GPATCH2: variants seen among roughly 807,000 people sequenced by gnomAD.
GPATCH2 encodes the protein G-patch domain containing 2, also known as G patch domain-containing protein 2.
GPATCH2 carries 51 observed loss-of-function variants against 58.0 expected under a neutral mutation model. The ratio of observed to expected loss-of-function variants is 0.88; its 90% CI spans 0.70 to 1.11. The LOEUF (loss-of-function observed/expected upper bound fraction) is 1.11, where lower values mean the gene tolerates loss of function less well. Ranked by LOEUF, GPATCH2 falls within the 50% of genes most tolerant of loss-of-function variation. GPATCH2 has a pLI of 0.00. For synonymous variants in GPATCH2, 222 were observed against 218.5 expected (o/e 1.02, Z -0.14); for missense variants, 625 against 652.2 (o/e 0.96, Z 0.45).
At chr1:217,483,485 C>A (rs1007605799) in intron 8 of GPATCH2, among the ~76,000 whole-genome samples, 1 of 151,766 alleles carries the variant, frequency 6.6e-6, no homozygotes, top group Non-Finnish European at 1.5e-5. Context: ...GTGCCTAGAC[C>A]CCCCATTGCT....
At chr1:217,589,823 G>T (rs180841231) in intron 5 of GPATCH2, among the ~76,000 whole-genome samples, 1 of 152,226 alleles carries the variant, frequency 6.6e-6, no homozygotes, top group Admixed American at 6.5e-5. Flanking sequence ...TCAGTCTGCT[G>T]GAGTCCACCA....
At chr1:217,611,146 G>A (rs1182243977) in intron 3 of GPATCH2, 75 bp from the exon 4 acceptor site, 8 of 1,322,532 alleles carry the variant, frequency 6.0e-6, no homozygotes, top group Non-Finnish European at 7.3e-6. Context: ...GTCTTGTCAG[G>A]TAATAAAAAT....
intron 8 of GPATCH2, among the ~76,000 whole-genome samples, chr1:217,466,265 A>G (rs1416654730): frequency 6.9e-6 from 1 of 145,554 alleles, no homozygotes; most frequent in African/African-American, 2.5e-5. Context: ...GGACTGAACT[A>G]AAACTAAATA....
intron 5 of GPATCH2, among the ~76,000 whole-genome samples, chr1:217,603,915 G>A (rs990605931): frequency 2.0e-5 from 3 of 152,046 alleles, no homozygotes; most frequent in African/African-American, 7.2e-5. Context: ...GAGCCACCGT[G>A]CCTGGCCCAA....
Position 217,435,748 on chromosome 1 carries a change from T to C in GPATCH2, c.1367-4383A>G, listed in dbSNP as rs192707098. Among the ~76,000 whole-genome samples the C allele has an allele frequency of 4.8e-3, 727 of 152,326 alleles. 5 individuals carry two copies. The highest frequency in any genetic ancestry group is 0.014 in the South Asian group (67 of 4,830). ...GTTCTCAGCAACTAATTTAGGGACA[T>C]GGATTTTTGATTATTATTATTATGA... On this transcript the variant is annotated intron_variant, in intron 9 of 9. Transcript: ENST00000366935.
chr1:217,521,676 G>A (rs1021804470), intron 5 of GPATCH2, among the ~76,000 whole-genome samples: 5 of 152,154 alleles, frequency 3.3e-5, no homozygotes, highest in South Asian at 2.1e-4. Flanking sequence ...TAAACACTCC[G>A]CGATGAGAAT....
Position 217,614,404 on chromosome 1 carries a change from C to T in GPATCH2, c.774-202G>A, listed in dbSNP as rs573058114. Among the ~76,000 whole-genome samples the T allele has an allele frequency of 3.0e-4, 46 of 151,948 alleles. No homozygotes were observed. In the Middle Eastern group the frequency reaches 0.01, roughly 34 times the overall value. ...AGCATATTATTTTTGGCACATAAAA[C>T]CACAGGAATCTAATGGGACCCTGAC... On this transcript the variant is annotated intron_variant, in intron 2 of 9. Coordinates refer to ENST00000366935, the MANE Select transcript of GPATCH2 (RefSeq NM_018040.5).
intron 1 of GPATCH2, among the ~76,000 whole-genome samples, chr1:217,627,416 C>T (rs907245040): frequency 6.6e-6 from 1 of 151,954 alleles, no homozygotes; most frequent in Non-Finnish European, 1.5e-5. Context: ...TCAGTAAGTT[C>T]ATGGACTCCT....
intron 8 of GPATCH2, among the ~76,000 whole-genome samples, chr1:217,464,064 C>T (rs1660328908): frequency 6.6e-6 from 1 of 152,106 alleles, no homozygotes; most frequent in South Asian, 2.1e-4. Flanking sequence ...ACCCTGACCA[C>T]TTAGCACTCT....
intron 5 of GPATCH2, among the ~76,000 whole-genome samples, chr1:217,575,149 G>T (rs189559922): frequency 6.6e-6 from 1 of 152,280 alleles, no homozygotes; most frequent in East Asian, 1.9e-4. Context: ...ATGCTCAAAT[G>T]TCTTGCCTAA....
At chr1:217,460,308 C>T (rs1660147835) in intron 8 of GPATCH2, among the ~76,000 whole-genome samples, 1 of 152,208 alleles carries the variant, frequency 6.6e-6, no homozygotes. Flanking sequence ...ATCCAACGTA[C>T]TTTATTATAA....
chr1:217,609,857 G>A, intron 5 of GPATCH2: 1 of 1,018,814 alleles, frequency 9.8e-7, no homozygotes, highest in East Asian at 7.9e-5. Context: ...TTTTGGCAAA[G>A]CAAGTATACA....
intron 5 of GPATCH2, among the ~76,000 whole-genome samples, chr1:217,598,362 G>C (rs553075197): frequency 3.3e-5 from 5 of 151,946 alleles, no homozygotes; most frequent in Non-Finnish European, 7.4e-5. Flanking sequence ...CACTCAAGCC[G>C]GGGCCACAGA....
At position 217,622,093 on chromosome 1, in the gene GPATCH2, T is replaced by C. The variant is rs568601871; in HGVS notation, c.57-1594A>G. ...CAGCTACACGATCCCAGTGGCCAGT[T>C]TGTATTTTTGTTTATGATTAATTTA... On this transcript the variant is annotated intron_variant, in intron 1 of 9. Coordinates refer to ENST00000366935, the MANE Select transcript of GPATCH2 (RefSeq NM_018040.5). 1.6e-4 allele frequency among the ~76,000 whole-genome samples: 24 copies of C among 152,322 alleles called. 1 individual carries two copies. The highest frequency in any genetic ancestry group is 3.4e-3 in the Middle Eastern group (1 of 294).
chr1:217,605,257 T>G (rs1209312910), intron 5 of GPATCH2, among the ~76,000 whole-genome samples: 2 of 152,214 alleles, frequency 1.3e-5, no homozygotes, highest in African/African-American at 4.8e-5. Context: ...GACTCAAGAT[T>G]CTAAACAGAT....
At chr1:217,498,248 C>T (rs541230603) in intron 7 of GPATCH2, 108 bp downstream of exon 7, 174 of 854,396 alleles carry the variant, frequency 2.0e-4, no homozygotes, top group African/African-American at 1.7e-3. Flanking sequence ...TTAAAATGAG[C>T]GGGGATTTGT....
intron 6 of GPATCH2, among the ~76,000 whole-genome samples, chr1:217,505,881 G>T (rs1434274821): frequency 6.6e-6 from 1 of 152,084 alleles, no homozygotes; most frequent in African/African-American, 2.4e-5. Flanking sequence ...GGAGTGCAGT[G>T]GCACAATCTT....
At chr1:217,481,885 A>G (rs941321500) in intron 8 of GPATCH2, among the ~76,000 whole-genome samples, 1 of 152,162 alleles carries the variant, frequency 6.6e-6, no homozygotes. Context: ...ACAAACAAAC[A>G]AAAAACAAAA....
intron 8 of GPATCH2, among the ~76,000 whole-genome samples, chr1:217,451,822 A>C (rs1358881977): frequency 6.6e-6 from 1 of 152,220 alleles, no homozygotes; most frequent in East Asian, 1.9e-4. Context: ...TCAAGCTGTG[A>C]AAACCAACTC....
Sources: allele counts gnomAD v4.1 joint callset (sites outside exome capture counted in the v4.1 genomes callset), GRCh38; gene constraint gnomAD v4.1.1; transcripts MANE v1.5; gene names NCBI Gene and HGNC (gene_info 2026-07-23, HGNC 2026-07-21).